MACROD2: variants seen among roughly 807,000 people sequenced by gnomAD.
The protein encoded by MACROD2 is mono-ADP ribosylhydrolase 2, also known as ADP-ribose glycohydrolase MACROD2.
Under a neutral mutation model 70.4 loss-of-function variants are expected in MACROD2, and 36 were observed. That is an observed-to-expected ratio of 0.51 (90% CI 0.39 to 0.68). The LOEUF is 0.68. Ranked by LOEUF, MACROD2 falls within the 30% of genes least tolerant of loss-of-function variation. The pLI is 0.00. For synonymous variants in MACROD2, 172 were observed against 178.8 expected (o/e 0.96, Z 0.30); for missense variants, 496 against 538.4 (o/e 0.92, Z 0.78).
At chr20:14,611,798 A>C (rs962860030) in intron 4 of MACROD2, among the ~76,000 whole-genome samples, 3 of 152,148 alleles carry the variant, frequency 2.0e-5, no homozygotes, top group Admixed American at 2.0e-4. Flanking sequence ...TAGTATTATG[A>C]CTGAAATATT....
Position 15,363,630 on chromosome 20 carries a change from C to T in MACROD2, c.541-67775C>T, listed in dbSNP as rs1244857917. 2.6e-5 allele frequency among the ~76,000 whole-genome samples: 4 copies of T among 152,174 alleles called. No individual in the cohort carries two copies. The East Asian group carries it at 7.8e-4, about 30-fold the overall frequency. ...CTATATAAACTCTTCTGCAGGCAAA[C>T]GTTGCCTCCCTCCAGCACTGACCTG... On this transcript the variant is annotated intron_variant, in intron 6 of 17. Transcript: ENST00000684519.
At chr20:14,320,052 T>G (rs2082644907) in intron 3 of MACROD2, among the ~76,000 whole-genome samples, 1 of 152,196 alleles carries the variant, frequency 6.6e-6, no homozygotes, top group Non-Finnish European at 1.5e-5. Context: ...TGGGTCACTG[T>G]GGAGGGTTGA....
chr20:15,568,461 C>T (rs974744909), intron 8 of MACROD2, among the ~76,000 whole-genome samples: 7 of 152,060 alleles, frequency 4.6e-5, no homozygotes, highest in Non-Finnish European at 7.4e-5. Context: ...GTGTCAACAC[C>T]GTTGGCTGCT....
chr20:15,630,116 G>C (rs1434041020), intron 8 of MACROD2, among the ~76,000 whole-genome samples: 8 of 152,138 alleles, frequency 5.3e-5, no homozygotes, highest in Non-Finnish European at 1.0e-4. Context: ...GGAGATAGTA[G>C]TATCTCCTTC....
chr20:14,786,115 G>C lies in MACROD2; in HGVS notation c.418+101156G>C, dbSNP rs140305490. 1.6e-4 allele frequency among the ~76,000 whole-genome samples: 24 copies of C among 151,932 alleles called. No homozygotes were observed. In the East Asian group the frequency reaches 3.7e-3, roughly 23 times the overall value. On this transcript the variant is annotated intron_variant, in intron 5 of 17. Transcript: ENST00000684519. ...TCCTTATGTGGATTGGGTTGCAAAA[G>C]AGTAGTGACAGCATGCTTTAAGTGC...
chr20:15,936,076 TGTTA>T (rs2065654429), intron 11 of MACROD2, among the ~76,000 whole-genome samples: 1 of 152,076 alleles, frequency 6.6e-6, no homozygotes, highest in Admixed American at 6.6e-5. Flanking sequence ...TCCAAATATG[TGTTA>T]GTTTTCATGC....
chr20:15,008,535 C>A (rs1014852430), intron 5 of MACROD2, among the ~76,000 whole-genome samples: 2 of 152,144 alleles, frequency 1.3e-5, no homozygotes, highest in East Asian at 3.9e-4. Context: ...GATCATGGTG[C>A]AGGTTCTTGA....
At chr20:15,057,250 A>G (rs1329678078) in intron 5 of MACROD2, among the ~76,000 whole-genome samples, 1 of 152,210 alleles carries the variant, frequency 6.6e-6, no homozygotes, top group Non-Finnish European at 1.5e-5. Flanking sequence ...TAGTATGTCA[A>G]TTTAATTCCC....
chr20:13,998,497 A>C (rs570904506), intron 1 of MACROD2, among the ~76,000 whole-genome samples: 5 of 152,190 alleles, frequency 3.3e-5, no homozygotes, highest in African/African-American at 1.2e-4. Context: ...TATTGTAATA[A>C]TTTTTTATTT....
chr20:15,125,539 G>A (rs4814338), intron 5 of MACROD2, among the ~76,000 whole-genome samples: 91,458 of 151,764 alleles, frequency 0.6, 29,352 homozygotes, highest in East Asian at 0.87. Context: ...GTTTGGGAAC[G>A]TTTCTGCTGA....
intron 3 of MACROD2, among the ~76,000 whole-genome samples, chr20:14,465,852 A>G (rs530225861): frequency 6.6e-6 from 1 of 152,242 alleles, no homozygotes; most frequent in South Asian, 2.1e-4. Context: ...AAGAATGTTG[A>G]ATAGTGGCCC....
intron 3 of MACROD2, among the ~76,000 whole-genome samples, chr20:14,243,458 T>C (rs2081945335): frequency 6.6e-6 from 1 of 152,206 alleles, no homozygotes. Flanking sequence ...TTTTCCCCTT[T>C]TTTGGCTAGA....
intron 6 of MACROD2, among the ~76,000 whole-genome samples, chr20:15,271,375 C>T (rs1022750073): frequency 3.9e-5 from 6 of 152,186 alleles, no homozygotes; most frequent in Admixed American, 2.0e-4. Flanking sequence ...GCCCTACCTC[C>T]TAATACCATC....
At chr20:14,428,773 T>A (rs1328213621) in intron 3 of MACROD2, among the ~76,000 whole-genome samples, 3 of 152,160 alleles carry the variant, frequency 2.0e-5, no homozygotes, top group Non-Finnish European at 4.4e-5. Context: ...ATCATTGAAA[T>A]GGTATGTGAA....
At chr20:15,022,924 A>G (rs1218130185) in intron 5 of MACROD2, 1 of 152,184 alleles carries the variant, frequency 6.6e-6, no homozygotes, top group Non-Finnish European at 1.5e-5. Flanking sequence ...CTGTGCAGGG[A>G]TGACATGGAA....
intron 6 of MACROD2, among the ~76,000 whole-genome samples, chr20:15,353,454 T>A (rs377627623): frequency 2.6e-5 from 4 of 151,876 alleles, no homozygotes; most frequent in Admixed American, 6.6e-5. Flanking sequence ...CAAGGACTTC[T>A]TGTCTAAAAC....
intron 4 of MACROD2, among the ~76,000 whole-genome samples, chr20:14,575,194 TTAATA>T (rs1980514857): frequency 6.6e-6 from 1 of 151,980 alleles, no homozygotes; most frequent in Non-Finnish European, 1.5e-5. Context: ...ACTAATTACC[TTAATA>T]TAATAAACCC....
intron 7 of MACROD2, among the ~76,000 whole-genome samples, chr20:15,452,580 C>G (rs2046657921): frequency 6.6e-6 from 1 of 152,114 alleles, no homozygotes; most frequent in Admixed American, 6.6e-5. Context: ...CTGTAATATT[C>G]AAGATGTGGT....
At position 14,294,929 on chromosome 20, in the gene MACROD2, C is replaced by T. The variant is rs376492411; in HGVS notation, c.272-198550C>T. Among the ~76,000 whole-genome samples, 7 of 151,460 alleles carry T rather than the reference C, an allele frequency of 4.6e-5. No individual in the cohort carries two copies. In the East Asian group the frequency reaches 9.7e-4, roughly 21 times the overall value. On this transcript the variant is annotated intron_variant, in intron 3 of 17. Transcript: ENST00000684519. ...ACTGTAAACTCAATAGTAGCTGTTT[C>T]TGACACAGAAGTGTCAGAAACACTA...
Sources: allele counts gnomAD v4.1 joint callset (sites outside exome capture counted in the v4.1 genomes callset), GRCh38; gene constraint gnomAD v4.1.1; transcripts MANE v1.5; gene names NCBI Gene and HGNC (gene_info 2026-07-23, HGNC 2026-07-21).